Variants in SLC7A6 observed in about 807,000 individuals in gnomAD.
SLC7A6 encodes solute carrier family 7 member 6, also known as Y+L amino acid transporter 2.
In SLC7A6, 29 loss-of-function variants were observed where a neutral mutation model predicts 46.6. The observed-to-expected ratio is 0.62, with a 90% CI of 0.46 to 0.85. The LOEUF (loss-of-function observed/expected upper bound fraction) is 0.85, where lower values mean the gene tolerates loss of function less well. SLC7A6 is among the 40% of genes least tolerant of loss of function. The pLI is 0.00. For missense variants in SLC7A6, 527 were observed against 647.6 expected (o/e 0.81, Z 2.02); for synonymous variants, 276 against 257.3 (o/e 1.07, Z -0.70).
chr16:68,291,144 CT>C, intron 5 of SLC7A6, 64 bp from the exon 6 acceptor site: 11 of 1,606,470 alleles, frequency 6.8e-6, no homozygotes, highest in Non-Finnish European at 8.5e-6. Context: ...CCAGTGGAGA[CT>C]TGATAAACTT....
chr16:68,296,851 G>A (rs1207364295), intron 10 of SLC7A6, 41 bp downstream of exon 10: 1 of 1,604,626 alleles, frequency 6.2e-7, no homozygotes, highest in Admixed American at 1.7e-5. Flanking sequence ...GCGGCTATGT[G>A]TGCATGCGCA....
chr16:68,268,494 A>G (rs573245185), intron 2 of SLC7A6, among the ~76,000 whole-genome samples: 44 of 152,336 alleles, frequency 2.9e-4, no homozygotes, highest in African/African-American at 1.0e-3. Flanking sequence ...CATTACAAAA[A>G]TTTTGGTTTC....
rs747142634 is a variant in SLC7A6, at chr16:68,291,599, C to G, written c.960C>G (p.Ile320Met). Residue 320 changes from isoleucine to methionine, a missense_variant, in exon 7 of 11, where the codon ATC becomes ATG. Physicochemically the swap from Ile to Met is conservative, Grantham distance 10 (BLOSUM62 1). Transcript: ENST00000219343. Reference sequence around the variant, plus strand: ...CGTTTGGCATGTTCAGCTGGACCATCCCCATTGCTGTTGCCCTGTCCTGCT... The same window carrying G: ...CGTTTGGCATGTTCAGCTGGACCATGCCCATTGCTGTTGCCCTGTCCTGCT... ...DQTFGMFSWTIPIAVALSCFG... is the reference protein window; with the variant it reads ...DQTFGMFSWTMPIAVALSCFG... 5 of 1,614,176 alleles carry G rather than the reference C, an allele frequency of 3.1e-6. No individual in the cohort carries two copies. The Admixed American group carries it at 8.3e-5, about 27-fold the overall frequency.
intron 10 of SLC7A6, among the ~76,000 whole-genome samples, 168 bp from the exon 11 acceptor site, chr16:68,297,066 A>C (rs1354729727): frequency 6.6e-6 from 1 of 152,200 alleles, no homozygotes. Flanking sequence ...CTGGTTGGGC[A>C]TGGGACAGAG....
chr16:68,290,789 G>A, intron 5 of SLC7A6: 1 of 533,064 alleles, frequency 1.9e-6, no homozygotes, highest in Non-Finnish European at 3.4e-6. Context: ...CTTCAGTGGG[G>A]AGCAGCAGGC....
intron 2 of SLC7A6, among the ~76,000 whole-genome samples, chr16:68,271,769 G>A (rs1298112583): frequency 6.6e-6 from 1 of 152,048 alleles, no homozygotes; most frequent in East Asian, 1.9e-4. Flanking sequence ...AACTACTTTT[G>A]CCAAGGACAG....
At chr16:68,277,336 A>ATTTATTTAT (rs1369680508) in intron 3 of SLC7A6, among the ~76,000 whole-genome samples, 1 of 147,604 alleles carries the variant, frequency 6.8e-6, no homozygotes, top group African/African-American at 2.5e-5. Flanking sequence ...TTATTTATTT[A>ATTTATTTAT]TTTATTTATT....
rs1181907131 is a variant in SLC7A6, at chr16:68,299,787, A to G, written c.*2459A>G. On this transcript the variant is annotated 3_prime_UTR_variant, in exon 11 of 11. Transcript: ENST00000219343. ...TTAGACATACAAGTTGCTGCCTGTT[A>G]TAACGGTGAATTATACCTTTGTGCA... The G allele has an allele frequency of 6.6e-6, 1 of 152,206 alleles. No individual in the cohort carries two copies. The highest frequency in any genetic ancestry group is 1.9e-4 in the East Asian group (1 of 5,206). The allele number at this position is 152,206 out of a possible 1,614,324, so 9.4% of individuals were successfully genotyped here. A position where few individuals can be genotyped will look rare whatever the true frequency, so the allele number is the denominator to read the frequency against.
intron 5 of SLC7A6, 30 bp from the exon 6 acceptor site, chr16:68,291,179 T>C (rs1240306665): frequency 6.2e-7 from 1 of 1,614,154 alleles, no homozygotes; most frequent in Non-Finnish European, 8.5e-7. Flanking sequence ...AGGTTGGTTC[T>C]AGGTAGTCCT....
chr16:68,279,614 C>G (rs972551760), intron 3 of SLC7A6, among the ~76,000 whole-genome samples: 1 of 152,212 alleles, frequency 6.6e-6, no homozygotes, highest in African/African-American at 2.4e-5. Context: ...TCTTGGCTCA[C>G]TGCAACCTCC....
intron 4 of SLC7A6, 126 bp downstream of exon 4, chr16:68,287,997 A>G (rs2042973954): frequency 4.4e-6 from 6 of 1,357,496 alleles, no homozygotes; most frequent in Non-Finnish European, 4.0e-6. Flanking sequence ...AGTGAGTGCA[A>G]GAGATGGGAG....
chr16:68,285,100 C>T (rs1009432926), intron 3 of SLC7A6, among the ~76,000 whole-genome samples: 18 of 152,094 alleles, frequency 1.2e-4, no homozygotes, highest in African/African-American at 4.1e-4. Flanking sequence ...GTTCTGCTTC[C>T]TTCCTCTATT....
Position 68,300,556 on chromosome 16 carries a change from T to C in SLC7A6, c.*3228T>C. ...TATAATCAATGCTGAACCTTCTATT[T>C]CACTACCGCTCCCTGTTTTAGATAT... On this transcript the variant is annotated 3_prime_UTR_variant, in exon 11 of 11. Transcript: ENST00000219343. 5.3e-6 allele frequency: 5 copies of C among 937,412 alleles called. No individual in the cohort carries two copies. The highest frequency in any genetic ancestry group is 6.4e-6 in the Non-Finnish European group (5 of 786,242). The allele number at this position is 937,412 out of a possible 1,614,324, so 58.1% of individuals were successfully genotyped here. A position where few individuals can be genotyped will look rare whatever the true frequency, so the allele number is the denominator to read the frequency against.
At chr16:68,275,777 T>C (rs1013408876) in intron 3 of SLC7A6, among the ~76,000 whole-genome samples, 1 of 152,002 alleles carries the variant, frequency 6.6e-6, no homozygotes, top group African/African-American at 2.4e-5. Flanking sequence ...TTTTGGTGCC[T>C]CATATTCCTC....
In SLC7A6 at chr16:68,297,600, T is replaced by G. The variant is rs1243161302; in HGVS notation, c.*272T>G. The G allele has an allele frequency of 2.9e-6, 1 of 345,098 alleles. No homozygotes were observed. The highest frequency in any genetic ancestry group is 2.1e-5 in the African/African-American group (1 of 46,542). The allele number at this position is 345,098 out of a possible 1,614,324, so 21.4% of individuals were successfully genotyped here. ...TACTCCTGATAGGTAGATGCAGCTC[T>G]TACAGATATTTACTTGGTAAAGTGC... On this transcript the variant is annotated 3_prime_UTR_variant, in exon 11 of 11. Coordinates refer to ENST00000219343, the MANE Select transcript of SLC7A6 (RefSeq NM_003983.6).
intron 4 of SLC7A6, 69 bp from the exon 5 acceptor site, chr16:68,290,327 A>T: frequency 3.4e-6 from 5 of 1,478,572 alleles, no homozygotes; most frequent in Non-Finnish European, 4.6e-6. Context: ...TACACCTCCC[A>T]TCTCCTCTTC....
Position 68,287,215 on chromosome 16 carries a change from T to G in SLC7A6, c.524-531T>G, listed in dbSNP as rs1214183903. On this transcript the variant is annotated intron_variant, in intron 3 of 10. Transcript: ENST00000219343. ...CTGGTCTCTAACTCCTGGGCTCACATGATCCATCTGCCTCAGTTTCCCAAA... is the reference window on the plus strand; with the variant it reads ...CTGGTCTCTAACTCCTGGGCTCACAGGATCCATCTGCCTCAGTTTCCCAAA... 29 of 772,884 alleles carry G rather than the reference T, an allele frequency of 3.8e-5. No homozygotes were observed. In the South Asian group the frequency reaches 4.3e-4, roughly 11 times the overall value. 47.9% of individuals were successfully genotyped at this position (772,884 alleles called of 1,614,324 possible).
intron 2 of SLC7A6, among the ~76,000 whole-genome samples, chr16:68,268,099 T>A (rs138484805): frequency 5.8e-4 from 88 of 152,300 alleles, no homozygotes; most frequent in African/African-American, 1.9e-3. Flanking sequence ...GGTAAGTAAG[T>A]GTTTCTCTGA....
chr16:68,270,402 C>A (rs1265867235), intron 2 of SLC7A6, among the ~76,000 whole-genome samples: 1 of 151,984 alleles, frequency 6.6e-6, no homozygotes, highest in Non-Finnish European at 1.5e-5. Flanking sequence ...TGCCCTTTCC[C>A]AGGGGTTTAT....
Sources: gnomAD v4.1 joint callset for allele counts (sites outside exome capture counted in the v4.1 genomes callset) on GRCh38, gnomAD v4.1.1 for gene constraint, MANE v1.5 for transcripts, NCBI Gene and HGNC (gene_info 2026-07-23, HGNC 2026-07-21) for gene names.